The following ENTPD1 variants were observed in gnomAD, a reference collection of about 807,000 sequenced individuals.
The protein encoded by ENTPD1 is ATP diphosphohydrolase.
In ENTPD1, 33 loss-of-function variants were observed where a neutral mutation model predicts 57.0. The ratio of observed to expected loss-of-function variants is 0.58; its 90% CI spans 0.44 to 0.77. The LOEUF (loss-of-function observed/expected upper bound fraction) is 0.77, where lower values mean the gene tolerates loss of function less well. ENTPD1 is among the 30% of genes least tolerant of loss of function. ENTPD1 has a pLI of 0.00. For synonymous variants in ENTPD1, 202 were observed against 218.8 expected (o/e 0.92, Z 0.68); for missense variants, 501 against 603.4 (o/e 0.83, Z 1.78).
In ENTPD1 at chr10:95,875,148, A is replaced by T. The variant is rs1202747162; in HGVS notation, c.*8765A>T. On this transcript the variant is annotated 3_prime_UTR_variant, in exon 10 of 10. Transcript: ENST00000371205. ...CAGCTTGAATTTCTCCTTAAAAAAA[A>T]TGGGTTTTTCTTTTCTACTGCATCA... 2.0e-5 allele frequency: 3 copies of T among 152,198 alleles called. No homozygotes were observed. The highest frequency in any genetic ancestry group is 7.2e-5 in the African/African-American group (3 of 41,446). The allele number at this position is 152,198 out of a possible 1,614,324, so 9.4% of individuals were successfully genotyped here. A position where few individuals can be genotyped will look rare whatever the true frequency, so the allele number is the denominator to read the frequency against.
chr10:95,739,011 A>G (rs939611148), intron 1 of ENTPD1, among the ~76,000 whole-genome samples: 4 of 152,208 alleles, frequency 2.6e-5, no homozygotes, highest in Non-Finnish European at 4.4e-5. Flanking sequence ...TTATGTTTAC[A>G]TTATATTATA....
chr10:95,762,225 A>AAAG (rs1555280329), intron 1 of ENTPD1, among the ~76,000 whole-genome samples: 2 of 151,886 alleles, frequency 1.3e-5, no homozygotes, highest in Non-Finnish European at 2.9e-5. Context: ...AAAAAAAAAA[A>AAAG]AAGAAGTGTT....
intron 7 of ENTPD1, among the ~76,000 whole-genome samples, chr10:95,851,400 C>G (rs1310450197): frequency 6.6e-6 from 1 of 151,616 alleles, no homozygotes; most frequent in African/African-American, 2.4e-5. Flanking sequence ...TCCCCAAAAA[C>G]TTAACAATAC....
intron 1 of ENTPD1, among the ~76,000 whole-genome samples, chr10:95,804,488 G>T (rs940641314): frequency 1.3e-5 from 2 of 152,166 alleles, no homozygotes; most frequent in East Asian, 3.8e-4. Context: ...CTCTCTGTTT[G>T]TCTGTTACTG....
chr10:95,874,758 A>G lies in ENTPD1; in HGVS notation c.*8375A>G, dbSNP rs894877537. On this transcript the variant is annotated 3_prime_UTR_variant, in exon 10 of 10. Transcript: ENST00000371205. ...CCTGGACATCCAGGTGTTTCCATAT[A>G]TATTCTGAAATCTAGGCAGAGGTTC... Among the ~76,000 whole-genome samples, 1 of 152,180 alleles carries G rather than the reference A, an allele frequency of 6.6e-6. No individual in the cohort carries two copies. The highest frequency in any genetic ancestry group is 2.4e-5 in the African/African-American group (1 of 41,448).
At chr10:95,832,997 G>T (rs1354211342) in intron 2 of ENTPD1, among the ~76,000 whole-genome samples, 2 of 152,174 alleles carry the variant, frequency 1.3e-5, no homozygotes, top group Non-Finnish European at 2.9e-5. Context: ...CTGTTAAAGG[G>T]TAATGACCTT....
intron 1 of ENTPD1, among the ~76,000 whole-genome samples, chr10:95,771,813 T>G (rs2098116735): frequency 6.6e-6 from 1 of 152,190 alleles, no homozygotes; most frequent in Admixed American, 6.6e-5. Context: ...CCATTAGATA[T>G]TCCTTCATGT....
At chr10:95,799,874 T>C (rs2098241652) in intron 1 of ENTPD1, among the ~76,000 whole-genome samples, 1 of 152,246 alleles carries the variant, frequency 6.6e-6, no homozygotes, top group African/African-American at 2.4e-5. Flanking sequence ...TGCATTCCTC[T>C]AATGATCAGT....
At position 95,873,683 on chromosome 10, in the gene ENTPD1, G is replaced by C. The variant is rs1181171914; in HGVS notation, c.*7300G>C. On this transcript the variant is annotated 3_prime_UTR_variant, in exon 10 of 10. Transcript: ENST00000371205. Reference sequence around the variant, plus strand: ...ATGTTCAATAGTTACATTTAGATTGGTTTTTAAAAACTATGATTGTATTAG... The same window carrying C: ...ATGTTCAATAGTTACATTTAGATTGCTTTTTAAAAACTATGATTGTATTAG... 1 of 985,336 alleles carries C rather than the reference G, an allele frequency of 1.0e-6. No individual in the cohort carries two copies. The allele number at this position is 985,336 out of a possible 1,614,324, so 61.0% of individuals were successfully genotyped here.
At chr10:95,837,525 C>G (rs2140763045) in intron 2 of ENTPD1, among the ~76,000 whole-genome samples, 1 of 152,270 alleles carries the variant, frequency 6.6e-6, no homozygotes, top group African/African-American at 2.4e-5. Context: ...TTGCTGTGCC[C>G]AAAGCCAGCA....
intron 1 of ENTPD1, among the ~76,000 whole-genome samples, chr10:95,774,928 G>A (rs532699771): frequency 6.6e-6 from 1 of 152,260 alleles, no homozygotes; most frequent in African/African-American, 2.4e-5. Context: ...GGGCAGTATG[G>A]CCATTTTCAT....
At chr10:95,745,521 C>T (rs1891535) in intron 1 of ENTPD1, among the ~76,000 whole-genome samples, 37,200 of 152,126 alleles carry the variant, frequency 0.24, 5,880 homozygotes, top group Admixed American at 0.37. Flanking sequence ...CTTATTATCT[C>T]TGCAGACCTT....
chr10:95,871,778 C>G lies in ENTPD1; in HGVS notation c.*5395C>G. On this transcript the variant is annotated 3_prime_UTR_variant, in exon 10 of 10. Coordinates refer to ENST00000371205, the MANE Select transcript of ENTPD1 (RefSeq NM_001776.6). ...CTAGAGTTGACTTGTTTTTATAACC[C>G]CTTTGCATGTATGTTGAATAGCAAA... 2 of 985,340 alleles carry G rather than the reference C, an allele frequency of 2.0e-6. No individual in the cohort carries two copies. The highest frequency in any genetic ancestry group is 2.4e-6 in the Non-Finnish European group (2 of 829,908). 61.0% of individuals were successfully genotyped at this position (985,340 alleles called of 1,614,324 possible).
At chr10:95,795,087 T>C (rs968646413) in intron 1 of ENTPD1, among the ~76,000 whole-genome samples, 3 of 152,106 alleles carry the variant, frequency 2.0e-5, no homozygotes, top group Non-Finnish European at 2.9e-5. Context: ...GGAAAGCAGA[T>C]TGATGATAGG....
At chr10:95,860,137 A>G (rs1292183618) in intron 7 of ENTPD1, among the ~76,000 whole-genome samples, 1 of 152,256 alleles carries the variant, frequency 6.6e-6, no homozygotes, top group Admixed American at 6.5e-5. Context: ...TTTATTAAAC[A>G]TTCATATGTA....
chr10:95,859,136 G>GAT (rs1360344011), intron 7 of ENTPD1, among the ~76,000 whole-genome samples: 1 of 152,162 alleles, frequency 6.6e-6, no homozygotes, highest in Non-Finnish European at 1.5e-5. Context: ...TATGTTATTA[G>GAT]ATATATATGT....
At chr10:95,825,100 G>A (rs954175395) in intron 2 of ENTPD1, among the ~76,000 whole-genome samples, 4 of 152,170 alleles carry the variant, frequency 2.6e-5, no homozygotes, top group African/African-American at 9.7e-5. Flanking sequence ...GCCACATGCA[G>A]CTCTTTAAGC....
At chr10:95,754,728 T>C (rs2139917558), upstream of ENTPD1, 1 of 152,338 alleles carries the variant, frequency 6.6e-6, no homozygotes, top group South Asian at 2.1e-4. Flanking sequence ...GAGTCTTTCA[T>C]TCAGTGTAAT....
the ENTPD1 span, among the ~76,000 whole-genome samples, chr10:95,697,094 A>G: frequency 6.6e-6 from 1 of 152,252 alleles, no homozygotes. Flanking sequence ...ACAGTTGCAT[A>G]ATAAAGGCCT....
Sources: gnomAD v4.1 joint callset for allele counts (sites outside exome capture counted in the v4.1 genomes callset) on GRCh38, gnomAD v4.1.1 for gene constraint, MANE v1.5 for transcripts, NCBI Gene and HGNC (gene_info 2026-07-23, HGNC 2026-07-21) for gene names.